Variants in MIPOL1 observed in about 807,000 individuals in gnomAD.
The protein encoded by MIPOL1 is mirror-image polydactyly 1.
MIPOL1 carries 57 observed loss-of-function variants against 60.9 expected under a neutral mutation model. That is an observed-to-expected ratio of 0.94 (90% CI 0.76 to 1.17). The LOEUF is 1.17. Among genes scored for constraint, MIPOL1 ranks in the 50% most tolerant of loss-of-function variants. MIPOL1 has a pLI of 0.00. For synonymous variants in MIPOL1, 179 were observed against 168.8 expected, an observed-to-expected ratio of 1.06 and a Z score of -0.47; for missense variants, 551 against 511.6, an observed-to-expected ratio of 1.08 and a Z score of -0.74.
intron 1 of MIPOL1, among the ~76,000 whole-genome samples, chr14:37,216,053 C>T (rs1271519131): frequency 7.1e-6 from 1 of 140,550 alleles, no homozygotes; most frequent in Non-Finnish European, 1.5e-5. Flanking sequence ...ACAGAGCAAA[C>T]CTCCATCTCA....
intron 12 of MIPOL1, among the ~76,000 whole-genome samples, chr14:37,526,606 C>T (rs2095449172): frequency 6.7e-6 from 1 of 149,244 alleles, no homozygotes; most frequent in Admixed American, 6.7e-5. Context: ...TGGTCTTGAT[C>T]TCCTGACCTT....
intron 9 of MIPOL1, among the ~76,000 whole-genome samples, chr14:37,325,435 TCTTAA>T (rs1216555861): frequency 2.0e-5 from 3 of 152,134 alleles, no homozygotes; most frequent in Non-Finnish European, 4.4e-5. Context: ...TTGTTATTTT[TCTTAA>T]CTTAAATAAC....
intron 12 of MIPOL1, among the ~76,000 whole-genome samples, chr14:37,538,960 T>G (rs185091112): frequency 6.6e-6 from 1 of 151,954 alleles, no homozygotes; most frequent in Non-Finnish European, 1.5e-5. Flanking sequence ...CCCAGCACTT[T>G]GGGAGGCCGA....
intron 3 of MIPOL1, among the ~76,000 whole-genome samples, chr14:37,263,432 A>G (rs938723339): frequency 6.6e-6 from 1 of 152,198 alleles, no homozygotes; most frequent in Admixed American, 6.6e-5. Flanking sequence ...CCTAGTAGTA[A>G]TCCATAATAT....
At chr14:37,286,315 A>C (rs1352614429) in intron 7 of MIPOL1, among the ~76,000 whole-genome samples, 1 of 152,186 alleles carries the variant, frequency 6.6e-6, no homozygotes, top group Non-Finnish European at 1.5e-5. Flanking sequence ...GTACTTTTCA[A>C]ATTCTAATGT....
chr14:37,406,363 T>C (rs1373173029), intron 10 of MIPOL1, among the ~76,000 whole-genome samples: 1 of 152,118 alleles, frequency 6.6e-6, no homozygotes, highest in African/African-American at 2.4e-5. Flanking sequence ...AAGTGTACTG[T>C]AGATGTAGTG....
At chr14:37,220,691 A>C (rs2139499002) in intron 1 of MIPOL1, among the ~76,000 whole-genome samples, 1 of 152,324 alleles carries the variant, frequency 6.6e-6, no homozygotes, top group Non-Finnish European at 1.5e-5. Context: ...TTAGGATTTC[A>C]GCATCTTAAT....
At chr14:37,510,454 C>T (rs1458852954) in intron 12 of MIPOL1, among the ~76,000 whole-genome samples, 5 of 152,094 alleles carry the variant, frequency 3.3e-5, no homozygotes, top group East Asian at 1.9e-4. Context: ...CAAGGCTGAT[C>T]GCAAACTCCT....
At chr14:37,292,365 T>A (rs997553899) in intron 7 of MIPOL1, among the ~76,000 whole-genome samples, 2 of 152,080 alleles carry the variant, frequency 1.3e-5, no homozygotes, top group African/African-American at 4.8e-5. Flanking sequence ...TATTCATAGT[T>A]GTCACATCAT....
At chr14:37,368,058 A>G (rs916334733) in intron 9 of MIPOL1, among the ~76,000 whole-genome samples, 1 of 152,128 alleles carries the variant, frequency 6.6e-6, no homozygotes, top group Non-Finnish European at 1.5e-5. Context: ...TTAAGTTATC[A>G]TACAGCTGAT....
chr14:37,319,523 T>G (rs2088315989), intron 9 of MIPOL1, among the ~76,000 whole-genome samples: 1 of 152,088 alleles, frequency 6.6e-6, no homozygotes, highest in Non-Finnish European at 1.5e-5. Context: ...TCAAGTGCCT[T>G]GAGTAATATG....
At chr14:37,252,532 A>G (rs1974282352) in intron 3 of MIPOL1, among the ~76,000 whole-genome samples, 2 of 152,028 alleles carry the variant, frequency 1.3e-5, no homozygotes, top group African/African-American at 4.8e-5. Flanking sequence ...TTTTTTTTAA[A>G]TAAATGAAAC....
At chr14:37,344,450 C>T (rs1827294975) in intron 9 of MIPOL1, among the ~76,000 whole-genome samples, 1 of 151,480 alleles carries the variant, frequency 6.6e-6, no homozygotes, top group South Asian at 2.1e-4. Flanking sequence ...TCCGAGTATC[C>T]AAATATGGAT....
chr14:37,298,964 C>T (rs925145130), intron 7 of MIPOL1, among the ~76,000 whole-genome samples: 4 of 150,338 alleles, frequency 2.7e-5, no homozygotes, highest in Non-Finnish European at 5.9e-5. Context: ...ACCCAAAGGA[C>T]TATAAATCAT....
At chr14:37,545,738 T>C (rs1484038718) in intron 12 of MIPOL1, 2 of 601,162 alleles carry the variant, frequency 3.3e-6, no homozygotes, top group African/African-American at 3.8e-5. Context: ...GATTTGTCCA[T>C]TCCTCAGTGG....
chr14:37,474,953 A>ATTTATT (rs567099751), intron 11 of MIPOL1, among the ~76,000 whole-genome samples: 29 of 151,852 alleles, frequency 1.9e-4, no homozygotes, highest in East Asian at 9.7e-4. Flanking sequence ...TCCTTTACTC[A>ATTTATT]TTTATTTTTA....
chr14:37,380,093 A>T (rs771512338), intron 10 of MIPOL1, among the ~76,000 whole-genome samples: 3 of 152,080 alleles, frequency 2.0e-5, no homozygotes, highest in South Asian at 4.1e-4. Flanking sequence ...AAACCAAATG[A>T]TCATGAAGTA....
At chr14:37,297,492 T>C (rs1217061989) in intron 7 of MIPOL1, among the ~76,000 whole-genome samples, 1 of 151,932 alleles carries the variant, frequency 6.6e-6, no homozygotes, top group African/African-American at 2.4e-5. Flanking sequence ...GGGCATTGAA[T>C]TAGGAAAAGA....
chr14:37,504,181 A>G (rs939812876), intron 12 of MIPOL1: 1 of 152,164 alleles, frequency 6.6e-6, no homozygotes, highest in Non-Finnish European at 1.5e-5. Flanking sequence ...CCCACTGTCA[A>G]TATTAGACAG....
Sources: allele counts gnomAD v4.1 joint callset (sites outside exome capture counted in the v4.1 genomes callset), GRCh38; gene constraint gnomAD v4.1.1; transcripts MANE v1.5; gene names NCBI Gene and HGNC (gene_info 2026-07-23, HGNC 2026-07-21).